The following OR11H6 variants were observed in gnomAD, a reference collection of about 807,000 sequenced individuals.
OR11H6 encodes olfactory receptor 11H6.
In OR11H6, 4 loss-of-function variants were observed where a neutral mutation model predicts 9.2. The ratio of observed to expected loss-of-function variants is 0.44; its 90% CI spans 0.21 to 1.00. The LOEUF (loss-of-function observed/expected upper bound fraction) is 1.00. Among genes scored for constraint, OR11H6 ranks in the 50% least tolerant of loss-of-function variants. The pLI is 0.26. For synonymous variants in OR11H6, 136 were observed against 148.9 expected, an observed-to-expected ratio of 0.91 and a Z score of 0.63; for missense variants, 381 against 390.9, an observed-to-expected ratio of 0.97 and a Z score of 0.21.
rs758522105 is a variant in OR11H6, at chr14:20,224,361, T to TA, written c.653dup (p.Tyr218Ter). 7 of 1,614,166 alleles carry TA rather than the reference T, an allele frequency of 4.3e-6. No homozygotes were observed. Among genetic ancestry groups the TA allele is most frequent in the Non-Finnish European group, 5.1e-6 (6 of 1,180,018 alleles). The change falls in exon 1 of 1, where the codon TAC (tyrosine) becomes TAAC (stop). Residue 218 changes from tyrosine to a stop codon, truncating the protein, a stop_gained and frameshift_variant. Coordinates refer to ENST00000315519, the MANE Select transcript of OR11H6 (RefSeq NM_001004480.1). LOFTEE classifies it high-confidence loss of function. Reference sequence around the variant, plus strand: ...TGCTCCTTCCACTGAGCTTATCTGTTACACCTTCAACTCGATGATTATCTT... The same window carrying TA: ...TGCTCCTTCCACTGAGCTTATCTGTTAACACCTTCAACTCGATGATTATCTT... Reference protein sequence around the residue: ...ISAPSTELICYTFNSMIIFGP... With the variant: ...ISAPSTELIC
chr14:20,224,615 C>A lies in OR11H6; in HGVS notation c.906C>A (p.Phe302Leu), dbSNP rs765843456. The A allele has an allele frequency of 1.2e-6, 2 of 1,613,996 alleles. No homozygotes were observed. The highest frequency in any genetic ancestry group is 3.3e-5 in the Admixed American group (2 of 60,026). ...ITLVYTAMTP[F>L]LNPLIYSLRN... ...TGGTATACACAGCAATGACTCCATT[C>A]TTAAATCCCCTTATCTATAGTCTTC... The change falls in exon 1 of 1, where the codon TTC (phenylalanine) becomes TTA (leucine). Residue 302 changes from phenylalanine (F) to leucine (L), a missense_variant. Transcript: ENST00000315519.
At position 20,224,099 on chromosome 14, in the gene OR11H6, T is replaced by C. The variant is rs762948674; in HGVS notation, c.390T>C (p.Cys130=). 1.9e-6 allele frequency: 3 copies of C among 1,613,944 alleles called. No homozygotes were observed. Among genetic ancestry groups the C allele is most frequent in the Non-Finnish European group, 2.5e-6 (3 of 1,179,818 alleles). ...YFFFSLGTTE[C]FFLSVMAYDR... ...TTTTTTCACTGGGTACAACAGAGTGTTTCTTTTTATCAGTTATGGCTTATG... is the reference window on the plus strand; with the variant it reads ...TTTTTTCACTGGGTACAACAGAGTGCTTCTTTTTATCAGTTATGGCTTATG... The change falls in exon 1 of 1, where the codon TGT becomes TGC. Residue 130 remains cysteine, a synonymous_variant. Coordinates refer to ENST00000315519, the MANE Select transcript of OR11H6 (RefSeq NM_001004480.1).
At position 20,224,249 on chromosome 14, in the gene OR11H6, T is replaced by A. The variant is rs1469134273; in HGVS notation, c.540T>A (p.Leu180=). ...TCTGCTATCCAGTCCCTATTGTTCTTATCTCCCAACTTCCCTTCTGTGGGC... is the reference window on the plus strand; with the variant it reads ...TCTGCTATCCAGTCCCTATTGTTCTAATCTCCCAACTTCCCTTCTGTGGGC... ...GFLCYPVPIV[L]ISQLPFCGPN... is the part of the protein sequence containing the mutation. Residue 180 remains leucine (L), a synonymous_variant, in exon 1 of 1, where the codon CTT becomes CTA. Transcript: ENST00000315519. 1.2e-6 allele frequency: 2 copies of A among 1,613,964 alleles called. No individual in the cohort carries two copies. The highest frequency in any genetic ancestry group is 1.7e-6 in the Non-Finnish European group (2 of 1,180,004).
In OR11H6 at chr14:20,223,849, C is replaced by A. The variant is rs1174437741; in HGVS notation, c.140C>A (p.Ser47Ter). 6.2e-6 allele frequency: 10 copies of A among 1,614,016 alleles called. No homozygotes were observed. Among genetic ancestry groups the A allele is most frequent in the Non-Finnish European group, 8.5e-6 (10 of 1,180,006 alleles). ...AGGGAGATGCAGAGCTGCTTCTTCT[C>A]ATTCATCCTGGTTCTCTATCTCCTG... ...GQREMQSCFF[S>*]FILVLYLLTL... The change falls in exon 1 of 1, where the codon TCA (serine) becomes TAA (stop). Residue 47 changes from serine (S) to a stop codon, truncating the protein, a stop_gained. Transcript: ENST00000315519. LOFTEE classifies it high-confidence loss of function.
chr14:20,223,965 T>G lies in OR11H6; in HGVS notation c.256T>G (p.Phe86Val). 1 of 1,614,184 alleles carries G rather than the reference T, an allele frequency of 6.2e-7. No individual in the cohort carries two copies. The highest frequency in any genetic ancestry group is 8.5e-7 in the Non-Finnish European group (1 of 1,180,022). ...GTACATCCTTCTGGGAAACTTTGCC[T>G]TTCTAGAGATCTGGTACATTTCCTC... ...PMYILLGNFAFLEIWYISSTV... is the reference protein window; with the variant it reads ...PMYILLGNFAVLEIWYISSTV... The change falls in exon 1 of 1, where the codon TTT becomes GTT. Residue 86 changes from phenylalanine (F) to valine (V), a missense_variant. Coordinates refer to ENST00000315519, the MANE Select transcript of OR11H6 (RefSeq NM_001004480.1).
In OR11H6 at chr14:20,223,967, T is replaced by C. The variant is rs761328770; in HGVS notation, c.258T>C (p.Phe86=). ...ACATCCTTCTGGGAAACTTTGCCTTTCTAGAGATCTGGTACATTTCCTCCA... is the reference window on the plus strand; with the variant it reads ...ACATCCTTCTGGGAAACTTTGCCTTCCTAGAGATCTGGTACATTTCCTCCA... ...PMYILLGNFA[F]LEIWYISSTV... is the part of the protein sequence containing the mutation. The change falls in exon 1 of 1, where the codon TTT becomes TTC. Residue 86 remains phenylalanine (F), a synonymous_variant. Transcript: ENST00000315519. 5 of 1,614,086 alleles carry C rather than the reference T, an allele frequency of 3.1e-6. No homozygotes were observed. The highest frequency in any genetic ancestry group is 3.4e-6 in the Non-Finnish European group (4 of 1,180,034).
Position 20,224,385 on chromosome 14 carries a change from T to G in OR11H6, c.676T>G (p.Phe226Val). 1.2e-6 allele frequency: 2 copies of G among 1,614,144 alleles called. No homozygotes were observed. The highest frequency in any genetic ancestry group is 1.7e-6 in the Non-Finnish European group (2 of 1,180,000). Residue 226 changes from phenylalanine to valine, a missense_variant, in exon 1 of 1, where the codon TTT becomes GTT. By Grantham distance (50) the Phe-to-Val change is conservative. Transcript: ENST00000315519. ...TTACACCTTCAACTCGATGATTATC[T>G]TTGGGCCCTTCCTCTCCATCTTGGG... ...ICYTFNSMIIFGPFLSILGSY... is the reference protein window; with the variant it reads ...ICYTFNSMIIVGPFLSILGSY...
rs1413902807 is a variant in OR11H6, at chr14:20,223,972, A to C, written c.263A>C (p.Glu88Ala). The C allele has an allele frequency of 6.2e-7, 1 of 1,614,072 alleles. No homozygotes were observed. The highest frequency in any genetic ancestry group is 8.5e-7 in the Non-Finnish European group (1 of 1,180,020). The change falls in exon 1 of 1, where the codon GAG (glutamate) becomes GCG (alanine). Residue 88 changes from glutamate to alanine, a missense_variant. Coordinates refer to ENST00000315519, the MANE Select transcript of OR11H6 (RefSeq NM_001004480.1). Reference sequence around the variant, plus strand: ...CTTCTGGGAAACTTTGCCTTTCTAGAGATCTGGTACATTTCCTCCACTGTC... The same window carrying C: ...CTTCTGGGAAACTTTGCCTTTCTAGCGATCTGGTACATTTCCTCCACTGTC... ...YILLGNFAFL[E>A]IWYISSTVPN...
Position 20,224,063 on chromosome 14 carries a change from A to G in OR11H6, c.354A>G (p.Gln118=), listed in dbSNP as rs1359220477. The G allele has an allele frequency of 6.2e-7, 1 of 1,613,718 alleles. No individual in the cohort carries two copies. Among genetic ancestry groups the G allele is most frequent in the African/African-American group, 1.3e-5 (1 of 75,004 alleles). The change falls in exon 1 of 1, where the codon CAA becomes CAG. Residue 118 remains glutamine, a synonymous_variant. Coordinates refer to ENST00000315519, the MANE Select transcript of OR11H6 (RefSeq NM_001004480.1). The part of the protein sequence containing the change: ...KTISFSGCFL[Q]FYFFFSLGTT... ...TCTCCTTCTCTGGTTGCTTCCTGCA[A>G]TTCTATTTCTTTTTTTCACTGGGTA...
chr14:20,224,282 C>A lies in OR11H6; in HGVS notation c.573C>A (p.Ile191=). The change falls in exon 1 of 1, where the codon ATC becomes ATA. Residue 191 remains isoleucine, a synonymous_variant. Coordinates refer to ENST00000315519, the MANE Select transcript of OR11H6 (RefSeq NM_001004480.1). ...AACTTCCCTTCTGTGGGCCCAACAT[C>A]ATTGACCACTTGGTGTGTGACCCAG... ...ISQLPFCGPN[I]IDHLVCDPGP... The A allele has an allele frequency of 6.2e-7, 1 of 1,614,050 alleles. No homozygotes were observed. The highest frequency in any genetic ancestry group is 8.5e-7 in the Non-Finnish European group (1 of 1,179,952).
chr14:20,224,454 G>C lies in OR11H6; in HGVS notation c.745G>C (p.Gly249Arg). ...CAGAGCTGTGCTTTGTATTCCCTCT[G>C]GTGCTGGTCGAACTAAAGCTTTCTC... ...VIRAVLCIPS[G>R]AGRTKAFSTC... is the part of the protein sequence containing the mutation. The change falls in exon 1 of 1, where the codon GGT becomes CGT. Residue 249 changes from glycine to arginine, a missense_variant. Gly to Arg is a moderately radical substitution (Grantham distance 125). Transcript: ENST00000315519. 6.2e-7 allele frequency: 1 copy of C among 1,613,966 alleles called. No individual in the cohort carries two copies. The highest frequency in any genetic ancestry group is 8.5e-7 in the Non-Finnish European group (1 of 1,179,924).
rs1880362587 is a variant in OR11H6 at position 20,224,235 on chromosome 14, G to C, written c.526G>C (p.Val176Leu). The change falls in exon 1 of 1, where the codon GTC (valine) becomes CTC (leucine). Residue 176 changes from valine (V) to leucine (L), a missense_variant. By Grantham distance (32) the Val-to-Leu change is conservative. Transcript: ENST00000315519. Reference sequence around the variant, plus strand: ...GGTAGGCGGATTTCTCTGCTATCCAGTCCCTATTGTTCTTATCTCCCAACT... The same window carrying C: ...GGTAGGCGGATTTCTCTGCTATCCACTCCCTATTGTTCTTATCTCCCAACT... Reference protein sequence around the residue: ...CWVGGFLCYPVPIVLISQLPF... With the variant: ...CWVGGFLCYPLPIVLISQLPF... 1.2e-6 allele frequency: 2 copies of C among 1,613,968 alleles called. No homozygotes were observed. Among genetic ancestry groups the C allele is most frequent in the Non-Finnish European group, 1.7e-6 (2 of 1,180,006 alleles).
In OR11H6 at chr14:20,224,270, T is replaced by C. The variant is rs745796981; in HGVS notation, c.561T>C (p.Cys187=). Residue 187 remains cysteine (C), a synonymous_variant, in exon 1 of 1, where the codon TGT becomes TGC. Coordinates refer to ENST00000315519, the MANE Select transcript of OR11H6 (RefSeq NM_001004480.1). ...PIVLISQLPF[C]GPNIIDHLVC... ...TTCTTATCTCCCAACTTCCCTTCTG[T>C]GGGCCCAACATCATTGACCACTTGG... 3 of 1,614,078 alleles carry C rather than the reference T, an allele frequency of 1.9e-6. No individual in the cohort carries two copies. The highest frequency in any genetic ancestry group is 3.3e-5 in the Admixed American group (2 of 59,992).
Position 20,223,796 on chromosome 14 carries a change from GT to G in OR11H6, c.90del (p.Phe30LeufsTer26). Reference sequence around the variant, plus strand: ...ACAGAACAATGCATTTTGTGACTGAGTTTGTCCTCCTGGGTTTCCATGGTCA... The same window carrying G: ...ACAGAACAATGCATTTTGTGACTGAGTTGTCCTCCTGGGTTTCCATGGTCA... The part of the protein sequence containing the change: ...QNRTMHFVTE[F>X]VLLGFHGQRE... On this transcript the variant is annotated frameshift_variant, in exon 1 of 1. Transcript: ENST00000315519. LOFTEE classifies it high-confidence loss of function. 6.2e-7 allele frequency: 1 copy of G among 1,614,114 alleles called. No homozygotes were observed. Among genetic ancestry groups the G allele is most frequent in the East Asian group, 2.2e-5 (1 of 44,874 alleles).
In OR11H6 at chr14:20,224,372, C is replaced by T. The variant is rs564813542; in HGVS notation, c.663C>T (p.Asn221=). 6.2e-6 allele frequency: 10 copies of T among 1,614,132 alleles called. No individual in the cohort carries two copies. Among genetic ancestry groups the T allele is most frequent in the African/African-American group, 1.3e-5 (1 of 75,044 alleles). ...CTGAGCTTATCTGTTACACCTTCAACTCGATGATTATCTTTGGGCCCTTCC... is the reference window on the plus strand; with the variant it reads ...CTGAGCTTATCTGTTACACCTTCAATTCGATGATTATCTTTGGGCCCTTCC... ...PSTELICYTF[N]SMIIFGPFLS... The change falls in exon 1 of 1, where the codon AAC becomes AAT. Residue 221 remains asparagine, a synonymous_variant. Coordinates refer to ENST00000315519, the MANE Select transcript of OR11H6 (RefSeq NM_001004480.1).
rs1701698854 is a variant in OR11H6, at chr14:20,224,623, C to T, written c.914C>T (p.Pro305Leu). ...VYTAMTPFLN[P>L]LIYSLRNKDM... ...ACAGCAATGACTCCATTCTTAAATC[C>T]CCTTATCTATAGTCTTCGAAACAAA... Residue 305 changes from proline to leucine, a missense_variant, in exon 1 of 1, where the codon CCC becomes CTC. Coordinates refer to ENST00000315519, the MANE Select transcript of OR11H6 (RefSeq NM_001004480.1). 1 of 1,613,764 alleles carries T rather than the reference C, an allele frequency of 6.2e-7. No individual in the cohort carries two copies. Among genetic ancestry groups the T allele is most frequent in the South Asian group, 1.1e-5 (1 of 91,080 alleles).
rs755162657 is a variant in OR11H6 at position 20,224,540 on chromosome 14, T to TGTG, written c.832_834dup (p.Val278dup). ...TCTATGGAACCCTTATGGTGATGTA[T>TGTG]GTGAGCCCAACATCAGGGAACCCAG... On this transcript the variant is annotated inframe_insertion, in exon 1 of 1. Transcript: ENST00000315519. 12 of 1,613,262 alleles carry TGTG rather than the reference T, an allele frequency of 7.4e-6. No individual in the cohort carries two copies. Among genetic ancestry groups the TGTG allele is most frequent in the Admixed American group, 1.7e-5 (1 of 59,996 alleles).
rs267603921 is a variant in OR11H6, at chr14:20,223,973, G to A, written c.264G>A (p.Glu88=). 6.2e-7 allele frequency: 1 copy of A among 1,614,112 alleles called. No individual in the cohort carries two copies. Among genetic ancestry groups the A allele is most frequent in the South Asian group, 1.1e-5 (1 of 91,078 alleles). Residue 88 remains glutamate, a synonymous_variant, in exon 1 of 1, where the codon GAG becomes GAA. Coordinates refer to ENST00000315519, the MANE Select transcript of OR11H6 (RefSeq NM_001004480.1). ...TTCTGGGAAACTTTGCCTTTCTAGAGATCTGGTACATTTCCTCCACTGTCC... is the reference window on the plus strand; with the variant it reads ...TTCTGGGAAACTTTGCCTTTCTAGAAATCTGGTACATTTCCTCCACTGTCC... ...YILLGNFAFL[E]IWYISSTVPN... is the part of the protein sequence containing the mutation.
Position 20,223,714 on chromosome 14 carries a change from T to A in OR11H6, c.5T>A (p.Phe2Tyr). The A allele has an allele frequency of 6.3e-7, 1 of 1,591,984 alleles. No homozygotes were observed. Among genetic ancestry groups the A allele is most frequent in the African/African-American group, 1.3e-5 (1 of 74,360 alleles). ...ATGAGTTAGCAAAATCTCCAAATGTTCTTTATTATTCATTCTTTGGTTACT... is the reference window on the plus strand; with the variant it reads ...ATGAGTTAGCAAAATCTCCAAATGTACTTTATTATTCATTCTTTGGTTACT... MFFIIHSLVTSV... is the reference protein window; with the variant it reads MYFIIHSLVTSV... The change falls in exon 1 of 1, where the codon TTC (phenylalanine) becomes TAC (tyrosine). Residue 2 changes from phenylalanine to tyrosine, a missense_variant. Transcript: ENST00000315519.
Sources: allele counts gnomAD v4.1 joint callset, GRCh38; gene constraint gnomAD v4.1.1; transcripts MANE v1.5; gene names NCBI Gene and HGNC (gene_info 2026-07-23, HGNC 2026-07-21).